CHD4: variants seen among roughly 807,000 people sequenced by gnomAD.
CHD4 encodes the protein ATP-dependent chromatin remodeler CHD4.
Under a neutral mutation model 235.5 loss-of-function variants are expected in CHD4, and 35 were observed. The ratio of observed to expected loss-of-function variants is 0.15; its 90% CI spans 0.11 to 0.20. The LOEUF (loss-of-function observed/expected upper bound fraction) is 0.20, where lower values mean the gene tolerates loss of function less well. Among genes scored for constraint, CHD4 ranks in the 10% least tolerant of loss-of-function variants. The probability of loss-of-function intolerance (pLI) is 1.00; values close to 1 mark genes in which losing one functional copy is unlikely to be tolerated. For synonymous variants in CHD4, 900 were observed against 850.2 expected (o/e 1.06, Z -1.02); for missense variants, 1,329 against 2,432.3 (o/e 0.55, Z 9.54).
At position 6,599,753 on chromosome 12, in the gene CHD4, G is replaced by A. The variant is rs183530894; in HGVS notation, c.1482+20C>T. 4.9e-4 allele frequency: 795 copies of A among 1,609,570 alleles called. 1 individual carries two copies. Among genetic ancestry groups the A allele is most frequent in the Non-Finnish European group, 6.3e-4 (748 of 1,178,482 alleles). On this transcript the variant is annotated intron_variant, in intron 10 of 39. Transcript: ENST00000544040. The stretch of plus-strand genomic sequence containing the variant: ...ACTACACTTTCCCATTTTTTGCCCC[G>A]GCTGAGATCAGTCACTCACCGTACA...
Position 6,582,393 on chromosome 12 carries a change from G to A in CHD4, c.4371-112C>T, listed in dbSNP as rs2267970. On this transcript the variant is annotated intron_variant, in intron 29 of 39. Coordinates refer to ENST00000544040, the MANE Select transcript of CHD4 (RefSeq NM_001273.5). Reference sequence around the variant, plus strand: ...GCAATAACTATGGCTCCACCTTGAGGTAAAGCCCACCACTGCACGGGAAGG... The same window carrying A: ...GCAATAACTATGGCTCCACCTTGAGATAAAGCCCACCACTGCACGGGAAGG... 38,856 of 1,375,104 alleles carry A rather than the reference G, an allele frequency of 0.028. 2,381 individuals carry two copies. In the East Asian group the frequency reaches 0.28, roughly 10 times the overall value. 85.2% of individuals were successfully genotyped at this position (1,375,104 alleles called of 1,614,324 possible). A position where few individuals can be genotyped will look rare whatever the true frequency, so the allele number is the denominator to read the frequency against.
chr12:6,596,679 A>G (rs560207481), intron 12 of CHD4, among the ~76,000 whole-genome samples: 2 of 152,238 alleles, frequency 1.3e-5, no homozygotes, highest in South Asian at 4.1e-4. Context: ...AGGTGCCTGT[A>G]ATCCCAGCTA....
In CHD4 at chr12:6,595,987, C is replaced by A. The variant is rs369668601; in HGVS notation, c.2024+19G>T. The A allele has an allele frequency of 1.9e-6, 3 of 1,601,214 alleles. No homozygotes were observed. Among genetic ancestry groups the A allele is most frequent in the Non-Finnish European group, 2.6e-6 (3 of 1,175,960 alleles). On this transcript the variant is annotated intron_variant, in intron 13 of 39. Transcript: ENST00000544040. Reference sequence around the variant, plus strand: ...AAAAAAAAAAGAAACAACTCTATGCCTCACCCAAAATCACTCACCTGTGAT... The same window carrying A: ...AAAAAAAAAAGAAACAACTCTATGCATCACCCAAAATCACTCACCTGTGAT...
At position 6,593,810 on chromosome 12, in the gene CHD4, C is replaced by T. The variant is rs139646701; in HGVS notation, c.2314-194G>A. ...AAAACCCAAGGTCCCACCATAACTA[C>T]AAGTCTTACCTCTCCCATTAAGTCT... is the stretch of plus-strand genomic sequence containing the variant. On this transcript the variant is annotated intron_variant, in intron 15 of 39. Transcript: ENST00000544040. The surrounding 1 kb of genome is among the most constrained non-coding windows in gnomAD (Gnocchi z 4.9). Among the ~76,000 whole-genome samples the T allele has an allele frequency of 6.6e-6, 1 of 152,262 alleles. No homozygotes were observed. The highest frequency in any genetic ancestry group is 2.4e-5 in the African/African-American group (1 of 41,550).
rs763108838 is a variant in CHD4 at position 6,591,797 on chromosome 12, T to A, written c.3119A>T (p.Tyr1040Phe). ...MEAPKMPNGM[Y>F]DGSALIRASG... ...TGCTCTGATTAGGGCACTGCCATCA[T>A]ACATGCCATTAGGCATCTTAGGAGC... Residue 1040 changes from tyrosine to phenylalanine, a missense_variant, in exon 21 of 40, where the codon TAT becomes TTT. Around this residue, in one of 26 missense-constraint regions of CHD4, gnomAD observed 39 missense variants for 83.8 expected, o/e 0.47. Transcript: ENST00000544040. The A allele has an allele frequency of 3.7e-6, 6 of 1,614,196 alleles. No homozygotes were observed. Among genetic ancestry groups the A allele is most frequent in the Non-Finnish European group, 5.1e-6 (6 of 1,180,040 alleles).
At chr12:6,579,828 G>T (rs527813886) in intron 33 of CHD4, among the ~76,000 whole-genome samples, 1 of 151,396 alleles carries the variant, frequency 6.6e-6, no homozygotes, top group Non-Finnish European at 1.5e-5. Flanking sequence ...AGGCCAAAGC[G>T]GGCGGATCAC....
chr12:6,587,455 A>G lies in CHD4; in HGVS notation c.3808T>C (p.Leu1270=), dbSNP rs1271353094. ...RNQDETEDTE[L]QGMNEYLSSF... ...CTCAAATATTCATTCATGCCCTGCAATTCTGTGTCTTCAGTCTCATCCTGG... is the reference window on the plus strand; with the variant it reads ...CTCAAATATTCATTCATGCCCTGCAGTTCTGTGTCTTCAGTCTCATCCTGG... The change falls in exon 25 of 40, where the codon TTG becomes CTG. Residue 1270 remains leucine, a synonymous_variant. Transcript: ENST00000544040. 9 of 1,614,150 alleles carry G rather than the reference A, an allele frequency of 5.6e-6. No individual in the cohort carries two copies. Among genetic ancestry groups the G allele is most frequent in the Non-Finnish European group, 7.6e-6 (9 of 1,180,024 alleles).
In CHD4 at chr12:6,599,849, G is replaced by A; in HGVS notation, c.1406C>T (p.Ser469Phe). 1 of 1,614,206 alleles carries A rather than the reference G, an allele frequency of 6.2e-7. No homozygotes were observed. Among genetic ancestry groups the A allele is most frequent in the Non-Finnish European group, 8.5e-7 (1 of 1,180,044 alleles). The change falls in exon 10 of 40, where the codon TCT (serine) becomes TTT (phenylalanine). Residue 469 changes from serine (S) to phenylalanine (F), a missense_variant. By Grantham distance (155) the Ser-to-Phe change is radical. Around this residue, in one of 26 missense-constraint regions of CHD4, gnomAD observed 33 missense variants for 84.2 expected, o/e 0.39. Transcript: ENST00000544040. ...GELLCCDTCP[S>F]SYHIHCLNPP... ...ATTCAGGCAGTGGATGTGGTAGGAA[G>A]AAGGACAGGTATCACAGCAGAGCAG...
At chr12:6,605,497 T>C (rs747858696) in intron 2 of CHD4, among the ~76,000 whole-genome samples, 3 of 151,968 alleles carry the variant, frequency 2.0e-5, no homozygotes. Context: ...AAAACACAGA[T>C]AGCGTAACCC....
chr12:6,595,906 C>G, intron 13 of CHD4, 100 bp downstream of exon 13: 1 of 1,341,510 alleles, frequency 7.5e-7, no homozygotes, highest in Non-Finnish European at 9.9e-7. Context: ...TGCAGTGAGT[C>G]AAGATCACGC....
chr12:6,583,007 A>C lies in CHD4; in HGVS notation c.4147+20T>G. 6.3e-7 allele frequency: 1 copy of C among 1,586,646 alleles called. No homozygotes were observed. The highest frequency in any genetic ancestry group is 1.2e-5 in the South Asian group (1 of 86,760). On this transcript the variant is annotated intron_variant, in intron 27 of 39. Transcript: ENST00000544040. The stretch of plus-strand genomic sequence containing the variant: ...ACAAAGCAACATTTAGAAAAGCAAC[A>C]AAAAAAGCACAGCCCTCACCTTCTG...
chr12:6,602,546 A>G (rs1948616207), intron 2 of CHD4, 49 bp from the exon 3 acceptor site: 1 of 1,602,960 alleles, frequency 6.2e-7, no homozygotes, highest in African/African-American at 1.4e-5. Context: ...ATCAATAGCA[A>G]AAGGTTAGGC....
intron 30 of CHD4, 130 bp downstream of exon 30, chr12:6,582,007 T>C: frequency 8.4e-7 from 1 of 1,185,132 alleles, no homozygotes; most frequent in Non-Finnish European, 1.1e-6. Flanking sequence ...TTCGCCATGT[T>C]GACCAGGCTA....
At chr12:6,600,726 G>A in intron 7 of CHD4, 57 bp from the exon 8 acceptor site, 1 of 1,596,512 alleles carries the variant, frequency 6.3e-7, no homozygotes, top group Non-Finnish European at 8.5e-7. Context: ...AGGACAGAGT[G>A]GCAGAGAGGG....
chr12:6,596,832 C>A (rs1048264519), intron 12 of CHD4, among the ~76,000 whole-genome samples: 3 of 150,938 alleles, frequency 2.0e-5, no homozygotes, highest in African/African-American at 7.3e-5. Context: ...TGGTGGCACA[C>A]GCCTGTAATC....
At chr12:6,600,120 G>A (rs1948563955) in intron 9 of CHD4, 97 bp downstream of exon 9, 3 of 1,566,530 alleles carry the variant, frequency 1.9e-6, no homozygotes, top group Admixed American at 1.7e-5. Flanking sequence ...ACAACCCGCA[G>A]CACCAGCATT....
At chr12:6,605,200 T>C (rs974934996) in intron 2 of CHD4, among the ~76,000 whole-genome samples, 1 of 152,062 alleles carries the variant, frequency 6.6e-6, no homozygotes, top group Non-Finnish European at 1.5e-5. Context: ...AAGTGAATGA[T>C]GCTGGATGAG....
chr12:6,602,744 G>A (rs1387814871), intron 2 of CHD4, among the ~76,000 whole-genome samples: 1 of 152,136 alleles, frequency 6.6e-6, no homozygotes, highest in Non-Finnish European at 1.5e-5. Flanking sequence ...CCAGACCCCT[G>A]CCTCCTCTCT....
chr12:6,599,971 C>G lies in CHD4; in HGVS notation c.1284G>C (p.Ser428=). 3 of 1,614,168 alleles carry G rather than the reference C, an allele frequency of 1.9e-6. No homozygotes were observed. The highest frequency in any genetic ancestry group is 2.5e-6 in the Non-Finnish European group (3 of 1,180,020). The change falls in exon 10 of 40, where the codon TCG becomes TCC. Residue 428 remains serine (S), a synonymous_variant. Transcript: ENST00000544040. ...CCTCTTCCAGGATCTCCTCACCCTC[C>G]GAATTGTCCTCTTTAGCTTCCCACT... The part of the protein sequence containing the change: ...GIQWEAKEDN[S]EGEEILEEVG...
Sources: gnomAD v4.1 joint callset for allele counts (sites outside exome capture counted in the v4.1 genomes callset) on GRCh38, gnomAD v4.1.1 for gene constraint, gnomAD v4.1.1 regional missense constraint, Gnocchi (gnomAD v3.1) non-coding constraint, MANE v1.5 for transcripts, NCBI Gene and HGNC (gene_info 2026-07-23, HGNC 2026-07-21) for gene names.